Variants in ZNF674 observed in about 807,000 individuals in gnomAD.
ZNF674 encodes the protein zinc finger family member 674.
Under a neutral mutation model 7.0 loss-of-function variants are expected in ZNF674, and 2 were observed. The ratio of observed to expected loss-of-function variants is 0.29; its 90% CI spans 0.12 to 0.90. The LOEUF (loss-of-function observed/expected upper bound fraction) is 0.90, where lower values mean the gene tolerates loss of function less well. Ranked by LOEUF, ZNF674 falls within the 40% of genes least tolerant of loss-of-function variation. ZNF674 has a pLI of 0.57. For synonymous variants in ZNF674, 103 were observed against 145.2 expected, an observed-to-expected ratio of 0.71 and a Z score of 2.09; for missense variants, 297 against 415.5, an observed-to-expected ratio of 0.71 and a Z score of 2.48.
chrX:46,536,461 G>A (rs1342143952), intron 3 of ZNF674, among the ~76,000 whole-genome samples: 5 of 110,230 alleles, frequency 4.5e-5, no homozygotes, highest in Non-Finnish European at 7.6e-5. Context: ...ATGGTGGCAC[G>A]CACCTGTAGT....
At chrX:46,541,659 A>G (rs1213859539) in intron 3 of ZNF674, among the ~76,000 whole-genome samples, 1 of 112,230 alleles carries the variant, frequency 8.9e-6, no homozygotes, top group Non-Finnish European at 1.9e-5. Context: ...TCTAAGGAGG[A>G]ACGTGGTACT....
intron 5 of ZNF674, among the ~76,000 whole-genome samples, chrX:46,512,917 G>T (rs914479489): frequency 2.7e-5 from 3 of 111,372 alleles, no homozygotes; most frequent in Admixed American, 1.9e-4. Context: ...AATATACAAA[G>T]AATTCATATA....
chrX:46,510,144 TGG>T (rs748270438), intron 5 of ZNF674, among the ~76,000 whole-genome samples: 1,630 of 40,258 alleles, frequency 0.04, 62 homozygotes, highest in African/African-American at 0.15. Flanking sequence ...TGTTGTGGGG[TGG>T]GGGGAGGGGG....
chrX:46,537,239 C>T (rs961564646), intron 3 of ZNF674, among the ~76,000 whole-genome samples: 4 of 109,892 alleles, frequency 3.6e-5, no homozygotes, highest in Non-Finnish European at 7.6e-5. Context: ...CCACTGTACT[C>T]CAGCCTGTAG....
chrX:46,542,194 C>A, intron 2 of ZNF674, 78 bp from the exon 3 acceptor site: 1 of 520,738 alleles, frequency 1.9e-6, no homozygotes, highest in Non-Finnish European at 3.0e-6. Flanking sequence ...ATAATAATTA[C>A]CTTTGCACCC....
intron 5 of ZNF674, among the ~76,000 whole-genome samples, chrX:46,504,370 C>T (rs769083021): frequency 9.3e-5 from 10 of 107,508 alleles, no homozygotes; most frequent in African/African-American, 3.0e-4. Context: ...GAGATGGAGT[C>T]TCGCTGTTGT....
Position 46,502,167 on chromosome X carries a change from G to A in ZNF674, c.239-832C>T, listed in dbSNP as rs761364418. On this transcript the variant is annotated intron_variant, in intron 5 of 5. Coordinates refer to ENST00000683375, the MANE Select transcript of ZNF674 (RefSeq NM_001190417.2). ...CTAAAAATACAAAAATTAGCTGGGC[G>A]TGGTGGCAGGTGCCTGTAATCCCAG... Among the ~76,000 whole-genome samples, 8 of 109,356 alleles carry A rather than the reference G, an allele frequency of 7.3e-5. No homozygotes were observed. In the East Asian group the frequency reaches 8.6e-4, roughly 12 times the overall value. 95.0% of individuals were successfully genotyped at this position (109,356 alleles called of 115,157 possible). A position where few individuals can be genotyped will look rare whatever the true frequency, so the allele number is the denominator to read the frequency against.
intron 1 of ZNF674, among the ~76,000 whole-genome samples, chrX:46,544,921 G>A (rs1942352024): frequency 9.0e-6 from 1 of 111,214 alleles, no homozygotes; most frequent in African/African-American, 3.3e-5. Flanking sequence ...CAAATTCCCA[G>A]CTCCAGATTT....
At chrX:46,514,325 G>A (rs1278301948) in intron 5 of ZNF674, among the ~76,000 whole-genome samples, 1 of 111,077 alleles carries the variant, frequency 9.0e-6, no homozygotes, top group African/African-American at 3.3e-5. Flanking sequence ...ATAAATGACA[G>A]GCTGAGGCAG....
Position 46,541,298 on chromosome X carries a change from T to C in ZNF674, c.15+775A>G, listed in dbSNP as rs774332816. On this transcript the variant is annotated intron_variant, in intron 3 of 5. Coordinates refer to ENST00000683375, the MANE Select transcript of ZNF674 (RefSeq NM_001190417.2). ...ATCGCTTGAACCTGGAAGGCGGAGG[T>C]TGCAGTGAGCCGATATCGCACCATT... 2.1e-4 allele frequency among the ~76,000 whole-genome samples: 22 copies of C among 105,138 alleles called. No homozygotes were observed. In the East Asian group the frequency reaches 5.9e-3, roughly 28 times the overall value. The allele number at this position is 105,138 out of a possible 115,157, so 91.3% of individuals were successfully genotyped here.
chrX:46,524,704 A>C (rs1159206240), intron 5 of ZNF674, among the ~76,000 whole-genome samples: 2 of 107,981 alleles, frequency 1.9e-5, no homozygotes, highest in African/African-American at 3.4e-5. Flanking sequence ...AAAAGAAAAA[A>C]AAAAAAAAGA....
At chrX:46,518,810 C>T (rs1401183563) in intron 5 of ZNF674, among the ~76,000 whole-genome samples, 4 of 105,000 alleles carry the variant, frequency 3.8e-5, no homozygotes, top group African/African-American at 1.0e-4. Flanking sequence ...GGTGTGAACC[C>T]GGAAGGCGGA....
intron 3 of ZNF674, among the ~76,000 whole-genome samples, chrX:46,541,864 G>A (rs1942300829): frequency 8.9e-6 from 1 of 112,161 alleles, no homozygotes; most frequent in Non-Finnish European, 1.9e-5. Flanking sequence ...ATGAGGTACA[G>A]TTTCTGGAAG....
intron 5 of ZNF674, among the ~76,000 whole-genome samples, chrX:46,505,768 TCACA>T (rs56158505): frequency 2.6e-3 from 260 of 100,235 alleles, no homozygotes; most frequent in African/African-American, 5.7e-3. Context: ...CAAAACTCTG[TCACA>T]CACACACACA....
intron 3 of ZNF674, among the ~76,000 whole-genome samples, chrX:46,534,819 C>A (rs1814431744): frequency 9.1e-6 from 1 of 110,261 alleles, no homozygotes; most frequent in Admixed American, 9.7e-5. Flanking sequence ...CAGCTCACTG[C>A]AACCTCTGCC....
chrX:46,519,263 TAAA>T (rs1223597925), intron 5 of ZNF674, among the ~76,000 whole-genome samples: 3,503 of 55,367 alleles, frequency 0.063, 93 homozygotes, highest in Middle Eastern at 0.098. Context: ...GATAGATAGA[TAAA>T]GATAGATGAT....
At chrX:46,519,263 TAAAGATAGATGATAGATA>T (rs1569476425) in intron 5 of ZNF674, among the ~76,000 whole-genome samples, 82 of 56,690 alleles carry the variant, frequency 1.4e-3, no homozygotes, top group East Asian at 4.2e-3. Context: ...GATAGATAGA[TAAAGATAGATGATAGATA>T]GATAGATAGA....
chrX:46,516,235 G>T lies in ZNF674; in HGVS notation c.238+12115C>A, dbSNP rs749855869. ...AAAATCTCTGAACAAAATACATAAA[G>T]TAACTACCCGAGGACTCTGACAAGT... On this transcript the variant is annotated intron_variant, in intron 5 of 5. Coordinates refer to ENST00000683375, the MANE Select transcript of ZNF674 (RefSeq NM_001190417.2). Among the ~76,000 whole-genome samples, 19 of 111,928 alleles carry T rather than the reference G, an allele frequency of 1.7e-4. 1 individual carries two copies. The South Asian group carries it at 7.1e-3, about 42-fold the overall frequency.
intron 5 of ZNF674, among the ~76,000 whole-genome samples, chrX:46,509,520 C>CA (rs1455339272): frequency 1.0e-5 from 1 of 95,654 alleles, no homozygotes; most frequent in Non-Finnish European, 2.1e-5. Flanking sequence ...TTTATGCAGC[C>CA]AAAAAACACA....
Sources: allele counts gnomAD v4.1 joint callset (sites outside exome capture counted in the v4.1 genomes callset), GRCh38; gene constraint gnomAD v4.1.1; transcripts MANE v1.5; gene names NCBI Gene and HGNC (gene_info 2026-07-23, HGNC 2026-07-21).